Variants in PLCH1 observed in about 807,000 individuals in gnomAD.
The protein encoded by PLCH1 is phospholipase C eta 1, also known as 1-phosphatidylinositol 4,5-bisphosphate phosphodiesterase eta-1.
A neutral mutation model predicts 126.7 loss-of-function variants in PLCH1; 60 were observed. The ratio of observed to expected loss-of-function variants is 0.47; its 90% CI spans 0.38 to 0.59. The LOEUF (loss-of-function observed/expected upper bound fraction) is 0.59, where lower values mean the gene tolerates loss of function less well. Ranked by LOEUF, PLCH1 falls within the 20% of genes least tolerant of loss-of-function variation. The pLI is 0.00. For synonymous variants in PLCH1, 719 were observed against 734.9 expected (o/e 0.98, Z 0.35); for missense variants, 1,723 against 2,040.0 (o/e 0.84, Z 2.99).
chr3:155,499,285 A>T (rs1717543785), intron 14 of PLCH1, among the ~76,000 whole-genome samples: 1 of 152,192 alleles, frequency 6.6e-6, no homozygotes, highest in South Asian at 2.1e-4. Context: ...GGGGAATGTG[A>T]TGGTCTGCTG....
downstream of PLCH1, among the ~76,000 whole-genome samples, chr3:155,478,909 G>T (rs1037550115): frequency 1.3e-5 from 2 of 152,080 alleles, no homozygotes; most frequent in African/African-American, 2.4e-5. Context: ...TGATAATTTA[G>T]TACATTCATA....
chr3:155,630,513 A>G lies in PLCH1; in HGVS notation c.80-34135T>C, dbSNP rs192302885. ...AAGTTTCAAAATAGATAAACTTCCT[A>G]AATCAGGTCTTTGGGCTGCCTGCAA... is the stretch of plus-strand genomic sequence containing the variant. On this transcript the variant is annotated intron_variant, in intron 2 of 22. Coordinates refer to ENST00000460012, the MANE Select transcript of PLCH1 (RefSeq NM_014996.4). Among the ~76,000 whole-genome samples, 124 of 152,320 alleles carry G rather than the reference A, an allele frequency of 8.1e-4. 3 individuals carry two copies. Among genetic ancestry groups the G allele is most frequent in the Admixed American group, 7.4e-3 (113 of 15,292 alleles).
intron 2 of PLCH1, among the ~76,000 whole-genome samples, chr3:155,686,522 G>A (rs1318040469): frequency 6.6e-6 from 1 of 152,112 alleles, no homozygotes; most frequent in African/African-American, 2.4e-5. Flanking sequence ...ATGAACACAC[G>A]GTGTGGCATG....
intron 21 of PLCH1, among the ~76,000 whole-genome samples, chr3:155,454,696 C>T (rs1198584672): frequency 6.6e-6 from 1 of 152,170 alleles, no homozygotes; most frequent in African/African-American, 2.4e-5. Flanking sequence ...GTTCAGGTTC[C>T]AGTCATGTCT....
chr3:155,623,835 G>T (rs1411237058), intron 2 of PLCH1, among the ~76,000 whole-genome samples: 2 of 152,128 alleles, frequency 1.3e-5, no homozygotes, highest in Non-Finnish European at 1.5e-5. Context: ...AGAGGAGCTG[G>T]TACCATTCCT....
chr3:155,467,262 A>T (rs1002753931), intron 21 of PLCH1, among the ~76,000 whole-genome samples: 7 of 152,066 alleles, frequency 4.6e-5, no homozygotes, highest in East Asian at 1.9e-4. Context: ...ACCAAAAAAA[A>T]AAAATAAAAA....
At chr3:155,535,838 G>A (rs1360626271) in intron 10 of PLCH1, among the ~76,000 whole-genome samples, 4 of 152,104 alleles carry the variant, frequency 2.6e-5, no homozygotes, top group Admixed American at 6.5e-5. Flanking sequence ...CTACCTTCTG[G>A]CTGGAGGATA....
chr3:155,480,916 C>CT lies in PLCH1; in HGVS notation c.*51dup. 1 of 1,413,556 alleles carries CT rather than the reference C, an allele frequency of 7.1e-7. No individual in the cohort carries two copies. The highest frequency in any genetic ancestry group is 1.9e-4 in the Middle Eastern group (1 of 5,370). The allele number at this position is 1,413,556 out of a possible 1,614,324, so 87.6% of individuals were successfully genotyped here. ...CCAAGGAACTTATTTACTGAAAACT[C>CT]TGACATTCTACAGAATACCTTGAAA... On this transcript the variant is annotated 3_prime_UTR_variant, in exon 23 of 23. Coordinates refer to ENST00000460012, the MANE Select transcript of PLCH1 (RefSeq NM_014996.4).
chr3:155,624,314 G>A (rs1355772216), intron 2 of PLCH1, among the ~76,000 whole-genome samples: 1 of 152,126 alleles, frequency 6.6e-6, no homozygotes, highest in African/African-American at 2.4e-5. Flanking sequence ...GGCAAAAACT[G>A]GAAGCATTCC....
intron 2 of PLCH1, among the ~76,000 whole-genome samples, chr3:155,683,698 T>G (rs1047674473): frequency 6.6e-6 from 1 of 152,220 alleles, no homozygotes; most frequent in African/African-American, 2.4e-5. Context: ...GAGAATTAAC[T>G]AGAGATAGGT....
intron 1 of PLCH1, among the ~76,000 whole-genome samples, chr3:155,730,072 TA>T (rs1748649078): frequency 6.6e-6 from 1 of 152,074 alleles, no homozygotes; most frequent in African/African-American, 2.4e-5. Context: ...AATTAAGAAT[TA>T]AAGTTTTATT....
At chr3:155,660,980 A>T (rs1403976848) in intron 2 of PLCH1, among the ~76,000 whole-genome samples, 1 of 152,222 alleles carries the variant, frequency 6.6e-6, no homozygotes, top group Admixed American at 6.5e-5. Context: ...ACAAAATGCC[A>T]CATGAAGAAC....
Position 155,565,092 on chromosome 3 carries a change from C to T in PLCH1, c.892G>A (p.Ala298Thr), listed in dbSNP as rs745533841. Residue 298 changes from alanine (A) to threonine (T), a missense_variant, in exon 8 of 23, where the codon GCC (alanine) becomes ACC (threonine). Ala to Thr is a moderately conservative substitution (Grantham distance 58, BLOSUM62 0). Transcript: ENST00000460012. ...TGCAATGGGTTAAATATGTCACAGG[C>T]AGGACTACGCATGAAGTTCGTGAAG... ...EGFTNFMRSPACDIFNPLHHE... is the reference protein window; with the variant it reads ...EGFTNFMRSPTCDIFNPLHHE... 1.2e-5 allele frequency: 19 copies of T among 1,613,560 alleles called. No individual in the cohort carries two copies. The highest frequency in any genetic ancestry group is 1.5e-5 in the Non-Finnish European group (18 of 1,179,666).
chr3:155,481,698 T>A lies in PLCH1; in HGVS notation c.4328A>T (p.Asp1443Val). 1.2e-6 allele frequency: 2 copies of A among 1,614,174 alleles called. No homozygotes were observed. Among genetic ancestry groups the A allele is most frequent in the Non-Finnish European group, 1.7e-6 (2 of 1,180,024 alleles). Residue 1443 changes from aspartate to valine, a missense_variant, in exon 23 of 23, where the codon GAT becomes GTT. Physicochemically the swap from Asp to Val is radical, Grantham distance 152 (BLOSUM62 -3). Coordinates refer to ENST00000460012, the MANE Select transcript of PLCH1 (RefSeq NM_014996.4). The surrounding 1 kb of genome is among the most constrained non-coding windows in gnomAD (Gnocchi z 4.2). ...CACACAGGTCTGGAACATTTTTGCA[T>A]CTGAATCTGAGAAATGATTATGCAC... ...GFVHNHFSDSDAKMFQTCVPQ... is the reference protein window; with the variant it reads ...GFVHNHFSDSVAKMFQTCVPQ...
intron 7 of PLCH1, among the ~76,000 whole-genome samples, chr3:155,567,837 T>C (rs1439885684): frequency 2.3e-5 from 1 of 42,830 alleles, no homozygotes; most frequent in Non-Finnish European, 1.4e-4. Flanking sequence ...TACAGTCAGT[T>C]GCTACCATTT....
At chr3:155,731,955 C>T (rs150110497) in intron 1 of PLCH1, among the ~76,000 whole-genome samples, 1 of 146,644 alleles carries the variant, frequency 6.8e-6, no homozygotes, top group African/African-American at 2.6e-5. Context: ...TGCACTCTAT[C>T]CAGCCTGGGT....
At chr3:155,687,944 C>G (rs1745080698) in intron 2 of PLCH1, among the ~76,000 whole-genome samples, 1 of 152,192 alleles carries the variant, frequency 6.6e-6, no homozygotes, top group Non-Finnish European at 1.5e-5. Context: ...TTCACAGAGT[C>G]AACACTACTA....
At chr3:155,598,242 C>G (rs919103109) in intron 2 of PLCH1, among the ~76,000 whole-genome samples, 2 of 151,978 alleles carry the variant, frequency 1.3e-5, no homozygotes, top group African/African-American at 4.8e-5. Flanking sequence ...CTTTAAAGCA[C>G]AGAACAAAAG....
intron 9 of PLCH1, among the ~76,000 whole-genome samples, chr3:155,552,125 A>C (rs1356898055): frequency 6.6e-6 from 1 of 152,240 alleles, no homozygotes; most frequent in Non-Finnish European, 1.5e-5. Flanking sequence ...CCTCATGTTT[A>C]ATTAATGAGA....
Sources: allele counts gnomAD v4.1 joint callset (sites outside exome capture counted in the v4.1 genomes callset), GRCh38; gene constraint gnomAD v4.1.1; non-coding constraint Gnocchi (gnomAD v3.1); transcripts MANE v1.5; gene names NCBI Gene and HGNC (gene_info 2026-07-23, HGNC 2026-07-21).